The following CNOT1 variants were observed in gnomAD, a reference collection of about 807,000 sequenced individuals.
The protein encoded by CNOT1 is CCR4-NOT transcription complex subunit 1.
CNOT1 carries 15 observed loss-of-function variants against 273.8 expected under a neutral mutation model. The observed-to-expected ratio is 0.05, with a 90% CI of 0.04 to 0.08. The LOEUF is 0.08. CNOT1 is among the 10% of genes least tolerant of loss of function. The probability of loss-of-function intolerance (pLI) is 1.00; values close to 1 mark genes in which losing one functional copy is unlikely to be tolerated. For synonymous variants in CNOT1, 1,022 were observed against 1,005.5 expected (o/e 1.02, Z -0.31); for missense variants, 1,644 against 2,912.2 (o/e 0.56, Z 10.02).
intron 13 of CNOT1, among the ~76,000 whole-genome samples, chr16:58,577,487 T>C (rs1335496854): frequency 6.6e-6 from 1 of 152,196 alleles, no homozygotes; most frequent in African/African-American, 2.4e-5. Context: ...TTTTCACTTA[T>C]AATAAAGAGC....
At chr16:58,563,730 A>T (rs1486590069) in intron 16 of CNOT1, among the ~76,000 whole-genome samples, 1 of 152,218 alleles carries the variant, frequency 6.6e-6, no homozygotes, top group Non-Finnish European at 1.5e-5. Flanking sequence ...ACAGGCACAT[A>T]CTATATTAGC....
intron 16 of CNOT1, 67 bp downstream of exon 16, chr16:58,574,542 C>A: frequency 6.9e-7 from 1 of 1,450,440 alleles, no homozygotes; most frequent in Admixed American, 2.5e-5. Flanking sequence ...ACCTCTTCTT[C>A]CGCAAGTCTA....
chr16:58,598,389 C>G (rs369451362), intron 2 of CNOT1, among the ~76,000 whole-genome samples: 1 of 130,178 alleles, frequency 7.7e-6, no homozygotes, highest in Non-Finnish European at 1.6e-5. Context: ...CTGAGCAAGA[C>G]TCCATCTCAA....
Position 58,558,478 on chromosome 16 carries a change from A to C in CNOT1, c.2327T>G (p.Leu776Arg). 6.2e-7 allele frequency: 1 copy of C among 1,613,976 alleles called. No homozygotes were observed. Residue 776 changes from leucine to arginine, a missense_variant, in exon 18 of 49, where the codon CTT becomes CGT. Physicochemically the swap from Leu to Arg is moderately radical, Grantham distance 102. Around this residue, in one of 13 missense-constraint regions of CNOT1, gnomAD observed 706 missense variants for 1,021.2 expected, o/e 0.69. Coordinates refer to ENST00000317147, the MANE Select transcript of CNOT1 (RefSeq NM_016284.5). Reference protein sequence around the residue: ...FSGIGGLSSQLPVGGLGTGSL... With the variant: ...FSGIGGLSSQRPVGGLGTGSL... ...CTCATTTGCCTCCCCCTTACCTGGA[A>C]GCTGTGATGAAAGTCCTCCAATACC...
At chr16:58,563,692 C>T (rs1047996049) in intron 16 of CNOT1, among the ~76,000 whole-genome samples, 4 of 152,178 alleles carry the variant, frequency 2.6e-5, no homozygotes, top group African/African-American at 9.7e-5. Context: ...TACCGTATCT[C>T]CATGTTGTCC....
At position 58,534,249 on chromosome 16, in the gene CNOT1, C is replaced by T; in HGVS notation, c.5793G>A (p.Lys1931=). The change falls in exon 40 of 49, where the codon AAG becomes AAA. Residue 1931 remains lysine, a synonymous_variant. Transcript: ENST00000317147. ...PAANPTMIRA[K]CYHNLDAFVR... ...CAAAGGCATCCAGGTTGTGATAGCA[C>T]TTGGCTCGGATCATGGTGGGATTGG... The T allele has an allele frequency of 6.2e-7, 1 of 1,614,156 alleles. No homozygotes were observed. The highest frequency in any genetic ancestry group is 8.5e-7 in the Non-Finnish European group (1 of 1,180,034).
At chr16:58,559,677 C>A in intron 17 of CNOT1, 1 of 368,586 alleles carries the variant, frequency 2.7e-6, no homozygotes. Flanking sequence ...GCCACTGAAT[C>A]ACTAACTTTT....
chr16:58,568,085 AAAG>A (rs2041119425), intron 16 of CNOT1, among the ~76,000 whole-genome samples: 1 of 152,238 alleles, frequency 6.6e-6, no homozygotes, highest in African/African-American at 2.4e-5. Flanking sequence ...AAAAATCTGT[AAAG>A]AAGGCCGGGC....
At chr16:58,561,427 C>T (rs1231971178) in intron 16 of CNOT1, among the ~76,000 whole-genome samples, 2 of 152,156 alleles carry the variant, frequency 1.3e-5, no homozygotes, top group Non-Finnish European at 2.9e-5. Flanking sequence ...AACAGGCATG[C>T]AATTTTTATA....
intron 8 of CNOT1, among the ~76,000 whole-genome samples, chr16:58,583,751 C>G (rs1597508593): frequency 6.6e-6 from 1 of 152,144 alleles, no homozygotes; most frequent in East Asian, 1.9e-4. Context: ...ATTGGCCAGG[C>G]TGATCTCAAA....
chr16:58,555,759 T>C (rs1472041668), intron 20 of CNOT1, 25 bp downstream of exon 20: 1 of 1,612,874 alleles, frequency 6.2e-7, no homozygotes, highest in African/African-American at 1.3e-5. Context: ...AAACAATAAA[T>C]AAGTAGATCA....
Position 58,543,909 on chromosome 16 carries a change from G to T in CNOT1, c.4138-6C>A. The T allele has an allele frequency of 6.3e-7, 1 of 1,591,100 alleles. No homozygotes were observed. The highest frequency in any genetic ancestry group is 1.1e-5 in the South Asian group (1 of 88,582). On this transcript the variant is annotated splice_region_variant and splice_polypyrimidine_tract_variant and intron_variant, in intron 30 of 48. Transcript: ENST00000317147. Reference sequence around the variant, plus strand: ...TGGGCCTGAAACAAGGGAATCTGGGGGGTTGGGGAGGACAAAGTCAACACC... The same window carrying T: ...TGGGCCTGAAACAAGGGAATCTGGGTGGTTGGGGAGGACAAAGTCAACACC...
In CNOT1 at chr16:58,545,500, C is replaced by G. The variant is rs756647221; in HGVS notation, c.4007-9G>C. On this transcript the variant is annotated splice_polypyrimidine_tract_variant and intron_variant, in intron 29 of 48. Transcript: ENST00000317147. ...TGGTGTAGTAGAAGTTGCTAAATGT[C>G]AAGTAATAAAAAGAGATTTAAAAAG... The G allele has an allele frequency of 2.5e-6, 4 of 1,612,480 alleles. No individual in the cohort carries two copies. In the African/African-American group the frequency reaches 5.4e-5, roughly 22 times the overall value.
chr16:58,531,740 A>G (rs1031793830), intron 42 of CNOT1, among the ~76,000 whole-genome samples: 2 of 152,224 alleles, frequency 1.3e-5, no homozygotes, highest in African/African-American at 4.8e-5. Context: ...CAGGTGGCCC[A>G]CAACTGAGTT....
intron 1 of CNOT1, among the ~76,000 whole-genome samples, chr16:58,607,117 A>G (rs922382660): frequency 1.3e-5 from 2 of 152,210 alleles, no homozygotes; most frequent in Non-Finnish European, 2.9e-5. Context: ...CTTGAATAGC[A>G]TGATCCCAAA....
chr16:58,613,193 A>G (rs1296174642), intron 1 of CNOT1, among the ~76,000 whole-genome samples: 1 of 152,046 alleles, frequency 6.6e-6, no homozygotes, highest in South Asian at 2.1e-4. Flanking sequence ...CAACACGCCC[A>G]GCTAATTTTT....
At chr16:58,593,238 A>C (rs1202533221) in intron 2 of CNOT1, among the ~76,000 whole-genome samples, 2 of 152,130 alleles carry the variant, frequency 1.3e-5, no homozygotes, top group Non-Finnish European at 2.9e-5. Context: ...AGCCTGGCCA[A>C]CATAGTGAAA....
At chr16:58,618,246 G>A (rs1328315625) in intron 1 of CNOT1, among the ~76,000 whole-genome samples, 2 of 151,968 alleles carry the variant, frequency 1.3e-5, no homozygotes, top group Admixed American at 6.6e-5. Flanking sequence ...AGGCTGCATT[G>A]AGCTGTGGTC....
At chr16:58,524,406 C>T (rs749968417) in intron 46 of CNOT1, among the ~76,000 whole-genome samples, 3 of 151,936 alleles carry the variant, frequency 2.0e-5, no homozygotes, top group Admixed American at 1.3e-4. Flanking sequence ...TGACATTATT[C>T]GTGTTTGTGA....
Sources: allele counts gnomAD v4.1 joint callset (sites outside exome capture counted in the v4.1 genomes callset), GRCh38; gene constraint gnomAD v4.1.1; regional missense constraint gnomAD v4.1.1; transcripts MANE v1.5; gene names NCBI Gene and HGNC (gene_info 2026-07-23, HGNC 2026-07-21).